The following MTSS2 variants were observed in gnomAD, a reference collection of about 807,000 sequenced individuals.
MTSS2 encodes the protein protein MTSS 2.
MTSS2 carries 27 observed loss-of-function variants against 67.1 expected under a neutral mutation model. The observed-to-expected ratio is 0.40, with a 90% CI of 0.30 to 0.55. MTSS2 has a LOEUF of 0.55. Ranked by LOEUF, MTSS2 falls within the 20% of genes least tolerant of loss-of-function variation. MTSS2 has a pLI of 0.43. For synonymous variants in MTSS2, 624 were observed against 468.6 expected (o/e 1.33, Z -4.28); for missense variants, 1,171 against 1,067.8 (o/e 1.10, Z -1.35).
chr16:70,665,498 G>C lies in MTSS2; in HGVS notation c.1096C>G (p.Gln366Glu). ...GGGGAGCTGCACTCGCTAACGGACT[G>C]GCAGGTTTCCGAGGCCTCGGAAGAT... ...SASSEASETCQSVSECSSPTS... is the reference protein window; with the variant it reads ...SASSEASETCESVSECSSPTS... The change falls in exon 12 of 15, where the codon CAG becomes GAG. Residue 366 changes from glutamine (Q) to glutamate (E), a missense_variant. Physicochemically the swap from Gln to Glu is conservative, Grantham distance 29 (BLOSUM62 2). Coordinates refer to ENST00000338779, the MANE Select transcript of MTSS2 (RefSeq NM_138383.3). The C allele has an allele frequency of 6.4e-7, 1 of 1,552,638 alleles. No homozygotes were observed. Among genetic ancestry groups the C allele is most frequent in the East Asian group, 2.4e-5 (1 of 41,150 alleles).
intron 1 of MTSS2, among the ~76,000 whole-genome samples, chr16:70,684,527 AC>A (rs2142945186): frequency 6.6e-6 from 1 of 151,826 alleles, no homozygotes; most frequent in East Asian, 1.9e-4. Context: ...AGCAACCCCC[AC>A]CCCTCACGGG....
rs559003655 is a variant in MTSS2 at position 70,663,582 on chromosome 16, C to T, written c.*95G>A. The T allele has an allele frequency of 5.5e-6, 8 of 1,447,646 alleles. No individual in the cohort carries two copies. In the Admixed American group the frequency reaches 1.1e-4, roughly 20 times the overall value. The allele number at this position is 1,447,646 out of a possible 1,614,324, so 89.7% of individuals were successfully genotyped here. On this transcript the variant is annotated 3_prime_UTR_variant, in exon 15 of 15. Coordinates refer to ENST00000338779, the MANE Select transcript of MTSS2 (RefSeq NM_138383.3). Reference sequence around the variant, plus strand: ...ATGGCCTCTGCCCTGGCTCTGTCCTCTCTCCTGGCTGGGCCTTTGCTCTGA... The same window carrying T: ...ATGGCCTCTGCCCTGGCTCTGTCCTTTCTCCTGGCTGGGCCTTTGCTCTGA...
chr16:70,664,018 G>T lies in MTSS2; in HGVS notation c.1903C>A (p.Pro635Thr). 1 of 1,605,248 alleles carries T rather than the reference G, an allele frequency of 6.2e-7. No homozygotes were observed. The highest frequency in any genetic ancestry group is 8.5e-7 in the Non-Finnish European group (1 of 1,176,796). ...GTGTTGGGCAGGCTGAGCCTCTTTGGGGAGGCCTTGGCGAGGTCCGGTGCC... is the reference window on the plus strand; with the variant it reads ...GTGTTGGGCAGGCTGAGCCTCTTTGTGGAGGCCTTGGCGAGGTCCGGTGCC... ...PLAPDLAKAS[P>T]KRLSLPNTAW... Residue 635 changes from proline (P) to threonine (T), a missense_variant, in exon 15 of 15, where the codon CCA becomes ACA. By Grantham distance (38) the Pro-to-Thr change is conservative. Coordinates refer to ENST00000338779, the MANE Select transcript of MTSS2 (RefSeq NM_138383.3).
intron 9 of MTSS2, 33 bp downstream of exon 9, chr16:70,677,759 T>C (rs777279150): frequency 2.6e-5 from 41 of 1,550,668 alleles, no homozygotes; most frequent in Middle Eastern, 1.7e-4. Flanking sequence ...TCCCTGCCCC[T>C]GGCCCTGGCC....
At chr16:70,672,726 G>A (rs1597811298) in intron 11 of MTSS2, among the ~76,000 whole-genome samples, 1 of 142,368 alleles carries the variant, frequency 7.0e-6, no homozygotes, top group Non-Finnish European at 1.5e-5. Flanking sequence ...TAAAACTGAA[G>A]AAATGATCCA....
At chr16:70,668,468 T>C (rs1252367088) in intron 11 of MTSS2, among the ~76,000 whole-genome samples, 1 of 151,522 alleles carries the variant, frequency 6.6e-6, no homozygotes, top group Non-Finnish European at 1.5e-5. Context: ...TGGTGTGGCA[T>C]TGGTATAAGG....
chr16:70,677,006 TG>T, intron 9 of MTSS2, 28 bp from the exon 10 acceptor site: 1 of 1,577,182 alleles, frequency 6.3e-7, no homozygotes, highest in South Asian at 1.1e-5. Flanking sequence ...TGGGGGTCAC[TG>T]GAGGCAGCTC....
rs2052572225 is a variant in MTSS2, at chr16:70,663,584, C to A, written c.*93G>T. 2.1e-6 allele frequency: 3 copies of A among 1,451,114 alleles called. No homozygotes were observed. Among genetic ancestry groups the A allele is most frequent in the Admixed American group, 2.8e-5 (1 of 36,144 alleles). 89.9% of individuals were successfully genotyped at this position (1,451,114 alleles called of 1,614,324 possible). On this transcript the variant is annotated 3_prime_UTR_variant, in exon 15 of 15. Coordinates refer to ENST00000338779, the MANE Select transcript of MTSS2 (RefSeq NM_138383.3). ...GGCCTCTGCCCTGGCTCTGTCCTCT[C>A]TCCTGGCTGGGCCTTTGCTCTGAGT...
intron 9 of MTSS2, among the ~76,000 whole-genome samples, chr16:70,677,477 G>A (rs964620305): frequency 6.6e-6 from 1 of 152,126 alleles, no homozygotes; most frequent in African/African-American, 2.4e-5. Flanking sequence ...CATGAAGGGA[G>A]GTGGGGCGTC....
At chr16:70,672,634 TAAAAAA>T (rs967709488) in intron 11 of MTSS2, among the ~76,000 whole-genome samples, 18 of 61,628 alleles carry the variant, frequency 2.9e-4, no homozygotes, top group Non-Finnish European at 6.3e-4. Flanking sequence ...AATAAAAAGT[TAAAAAA>T]AAAACCCAAA....
chr16:70,668,005 C>A, intron 11 of MTSS2, among the ~76,000 whole-genome samples: 1 of 145,806 alleles, frequency 6.9e-6, no homozygotes, highest in Non-Finnish European at 1.5e-5. Context: ...TTGGTAGGAA[C>A]TGACAAGCTG....
At position 70,674,341 on chromosome 16, in the gene MTSS2, G is replaced by C; in HGVS notation, c.1018C>G (p.Pro340Ala). 9 of 1,614,018 alleles carry C rather than the reference G, an allele frequency of 5.6e-6. No individual in the cohort carries two copies. Among genetic ancestry groups the C allele is most frequent in the Non-Finnish European group, 7.6e-6 (9 of 1,180,002 alleles). ...ATGTCTGAAGGCATAGGCGAGGGGG[G>C]CTTGGAGTAGGTGGCGTCCTGGGAG... is the stretch of plus-strand genomic sequence containing the variant. The part of the protein sequence containing the change: ...FVSQDATYSK[P>A]PSPMPSDITS... The change falls in exon 11 of 15, where the codon CCC (proline) becomes GCC (alanine). Residue 340 changes from proline to alanine, a missense_variant. This residue lies in a region of MTSS2 where 924 missense variants were observed against 756.0 expected (regional missense o/e 1.22). Coordinates refer to ENST00000338779, the MANE Select transcript of MTSS2 (RefSeq NM_138383.3).
intron 11 of MTSS2, 41 bp downstream of exon 11, chr16:70,674,265 G>A (rs2053037385): frequency 1.3e-6 from 2 of 1,584,758 alleles, no homozygotes; most frequent in East Asian, 2.3e-5. Context: ...GCATAAGGCT[G>A]CTGCACCCCA....
chr16:70,680,252 C>T (rs1175581999), intron 3 of MTSS2, among the ~76,000 whole-genome samples, 197 bp from the exon 4 acceptor site: 1 of 152,070 alleles, frequency 6.6e-6, no homozygotes, highest in Admixed American at 6.5e-5. Flanking sequence ...CCATCCCAGC[C>T]GCGCCAGCCT....
In MTSS2 at chr16:70,664,220, TGTGCGGCGGATGGTGGCCACGCCGGGGG is replaced by T; in HGVS notation, c.1673_1700del (p.Pro558HisfsTer27). On this transcript the variant is annotated frameshift_variant, in exon 15 of 15. Coordinates refer to ENST00000338779, the MANE Select transcript of MTSS2 (RefSeq NM_138383.3). LOFTEE classifies it low-confidence loss of function (END_TRUNC). ...GGCGCACGGTGGGCTTGGTGGAGGGTGTGCGGCGGATGGTGGCCACGCCGGGGGGTGCGCCCGAGGGCAGGCCAGTGGC... is the reference window on the plus strand; with the variant it reads ...GGCGCACGGTGGGCTTGGTGGAGGGTGTGCGCCCGAGGGCAGGCCAGTGGC... The T allele has an allele frequency of 6.3e-7, 1 of 1,581,130 alleles. No individual in the cohort carries two copies.
At chr16:70,673,162 TCAAAACAAAA>T (rs771651539) in intron 11 of MTSS2, among the ~76,000 whole-genome samples, 12 of 151,812 alleles carry the variant, frequency 7.9e-5, no homozygotes, top group Admixed American at 2.0e-4. Flanking sequence ...AGATCGTGTC[TCAAAACAAAA>T]CAAAACAAAA....
At position 70,661,580 on chromosome 16, in the gene MTSS2, T is replaced by C. The variant is rs1193379401; in HGVS notation, c.*2097A>G. 9 of 351,388 alleles carry C rather than the reference T, an allele frequency of 2.6e-5. No homozygotes were observed. The highest frequency in any genetic ancestry group is 1.6e-4 in the Admixed American group (4 of 25,424). The allele number at this position is 351,388 out of a possible 1,614,324, so 21.8% of individuals were successfully genotyped here. On this transcript the variant is annotated 3_prime_UTR_variant, in exon 15 of 15. Coordinates refer to ENST00000338779, the MANE Select transcript of MTSS2 (RefSeq NM_138383.3). ...AACCAAAGTTTGTGATGTGGGATGG[T>C]TGGCTCGGATCCCGAGGTGGGTGGG...
chr16:70,678,241 A>G lies in MTSS2; in HGVS notation c.624+11T>C. 1 of 1,601,716 alleles carries G rather than the reference A, an allele frequency of 6.2e-7. No individual in the cohort carries two copies. Among genetic ancestry groups the G allele is most frequent in the Non-Finnish European group, 8.5e-7 (1 of 1,174,580 alleles). ...CCACCCCTCTGGGGTCTGAGTCCCC[A>G]GGAGTCCCACCACCACAGGCTGCAG... On this transcript the variant is annotated intron_variant, in intron 8 of 14. Transcript: ENST00000338779.
chr16:70,681,609 G>A (rs902719045), intron 1 of MTSS2, among the ~76,000 whole-genome samples: 1 of 152,256 alleles, frequency 6.6e-6, no homozygotes, highest in Admixed American at 6.5e-5. Flanking sequence ...GGCTGCTGCA[G>A]GGCCCAGCTA....
Sources: gnomAD v4.1 joint callset for allele counts (sites outside exome capture counted in the v4.1 genomes callset) on GRCh38, gnomAD v4.1.1 for gene constraint, gnomAD v4.1.1 regional missense constraint, MANE v1.5 for transcripts, NCBI Gene and HGNC (gene_info 2026-07-23, HGNC 2026-07-21) for gene names.